The following COG6 variants were observed in gnomAD, a reference collection of about 807,000 sequenced individuals.
COG6 encodes component of oligomeric golgi complex 6, also known as conserved oligomeric Golgi complex subunit 6.
A neutral mutation model predicts 88.8 loss-of-function variants in COG6; 74 were observed. The ratio of observed to expected loss-of-function variants is 0.83; its 90% CI spans 0.69 to 1.01. COG6 has a LOEUF of 1.01. Ranked by LOEUF, COG6 falls within the 50% of genes least tolerant of loss-of-function variation. COG6 has a pLI of 0.00. For missense variants in COG6, 800 were observed against 797.9 expected (o/e 1.00, Z -0.03); for synonymous variants, 286 against 278.7 (o/e 1.03, Z -0.26).
At chr13:39,655,982 A>T (rs866579767) in intron 1 of COG6, 103 bp downstream of exon 1, 155 of 1,426,864 alleles carry the variant, frequency 1.1e-4, no homozygotes, top group Middle Eastern at 4.6e-4. Flanking sequence ...TCGTCCCGGC[A>T]GCAGAGGGAC....
chr13:39,785,422 C>T (rs1024288570), intron 18 of COG6: 1 of 152,118 alleles, frequency 6.6e-6, no homozygotes, highest in African/African-American at 2.4e-5. Flanking sequence ...TTTTTCTAGC[C>T]AGTCAAATTT....
intron 18 of COG6, among the ~76,000 whole-genome samples, chr13:39,729,189 G>A (rs1879302441): frequency 6.6e-6 from 1 of 152,188 alleles, no homozygotes; most frequent in Admixed American, 6.5e-5. Flanking sequence ...CCGGGCCAGG[G>A]ACCCTGGTCT....
At chr13:39,692,667 C>A (rs891323364) in intron 11 of COG6, among the ~76,000 whole-genome samples, 1 of 152,058 alleles carries the variant, frequency 6.6e-6, no homozygotes, top group African/African-American at 2.4e-5. Context: ...CGCTTTTGCT[C>A]TAGCTTTCTC....
At chr13:39,722,083 G>A (rs917240613) in intron 15 of COG6, among the ~76,000 whole-genome samples, 53 of 151,840 alleles carry the variant, frequency 3.5e-4, no homozygotes, top group Middle Eastern at 3.4e-3. Flanking sequence ...TTTATCTCAC[G>A]GATCTGCCAT....
At chr13:39,668,802 A>G (rs1278439335) in intron 4 of COG6, among the ~76,000 whole-genome samples, 1 of 151,706 alleles carries the variant, frequency 6.6e-6, no homozygotes. Flanking sequence ...AAAAAAAAAA[A>G]GAAAAGAAAA....
intron 10 of COG6, 151 bp downstream of exon 10, chr13:39,687,950 C>A: frequency 1.5e-6 from 1 of 684,438 alleles, no homozygotes; most frequent in South Asian, 1.6e-5. Flanking sequence ...CTAGATTCTC[C>A]CTCATTCTGC....
chr13:39,767,251 G>A (rs1881192491), intron 18 of COG6, among the ~76,000 whole-genome samples: 1 of 152,320 alleles, frequency 6.6e-6, no homozygotes, highest in South Asian at 2.1e-4. Flanking sequence ...ACATTTTAAT[G>A]TGTGAGGGTT....
At chr13:39,711,874 T>G (rs1008885306) in intron 13 of COG6, among the ~76,000 whole-genome samples, 2 of 152,206 alleles carry the variant, frequency 1.3e-5, no homozygotes, top group Non-Finnish European at 2.9e-5. Flanking sequence ...TTGTTTTTGT[T>G]TTTGAGATTG....
chr13:39,775,261 G>T (rs1019624583), intron 18 of COG6, among the ~76,000 whole-genome samples: 2 of 127,686 alleles, frequency 1.6e-5, no homozygotes, highest in Non-Finnish European at 3.4e-5. Flanking sequence ...GGCTAATGAT[G>T]TTGTGACTCA....
chr13:39,710,048 C>G (rs1420046289), intron 13 of COG6, among the ~76,000 whole-genome samples: 1 of 152,042 alleles, frequency 6.6e-6, no homozygotes, highest in Non-Finnish European at 1.5e-5. Flanking sequence ...AATAAAAAAG[C>G]TTTCTGAGGC....
intron 1 of COG6, chr13:39,656,716 T>C (rs1874533192): frequency 2.6e-6 from 1 of 387,742 alleles, no homozygotes; most frequent in Non-Finnish European, 5.1e-6. Context: ...CATTGCAATG[T>C]AATGAATAAG....
chr13:39,692,068 G>A (rs1877008857), intron 11 of COG6, among the ~76,000 whole-genome samples: 1 of 151,946 alleles, frequency 6.6e-6, no homozygotes, highest in Non-Finnish European at 1.5e-5. Context: ...TCTTAGTAAA[G>A]TGAAACATCA....
chr13:39,780,145 C>T (rs1301522490), intron 18 of COG6, among the ~76,000 whole-genome samples: 2 of 152,112 alleles, frequency 1.3e-5, no homozygotes, highest in African/African-American at 2.4e-5. Context: ...GCATTGAGTT[C>T]GAACTAGAAA....
intron 13 of COG6, among the ~76,000 whole-genome samples, chr13:39,710,751 TC>T (rs1302779104): frequency 6.6e-6 from 1 of 152,112 alleles, no homozygotes; most frequent in African/African-American, 2.4e-5. Flanking sequence ...TAACTATTGT[TC>T]CTACTCCCTT....
chr13:39,760,678 G>A (rs896158429), intron 18 of COG6, among the ~76,000 whole-genome samples: 2 of 152,094 alleles, frequency 1.3e-5, no homozygotes, highest in African/African-American at 2.4e-5. Context: ...CTCTCTGCAA[G>A]TGGTAAATCA....
intron 18 of COG6, among the ~76,000 whole-genome samples, chr13:39,759,331 C>T (rs563791690): frequency 2.0e-5 from 3 of 152,058 alleles, no homozygotes; most frequent in Non-Finnish European, 4.4e-5. Context: ...CTTTTGAAAA[C>T]CAAAAATTGA....
intron 15 of COG6, among the ~76,000 whole-genome samples, chr13:39,720,092 C>G (rs895299856): frequency 6.6e-6 from 1 of 151,700 alleles, no homozygotes; most frequent in African/African-American, 2.4e-5. Context: ...ATACTTGATT[C>G]ATACCATAAT....
At chr13:39,708,450 T>C (rs1878059842) in intron 13 of COG6, among the ~76,000 whole-genome samples, 1 of 152,214 alleles carries the variant, frequency 6.6e-6, no homozygotes, top group Admixed American at 6.5e-5. Flanking sequence ...TTAAGAAATC[T>C]TTGGCTATCT....
chr13:39,750,081 A>G lies in COG6; in HGVS notation c.1827-865A>G, dbSNP rs374234175. Reference sequence around the variant, plus strand: ...ATTAACAGAAGTAGGAAACTACAAGAAAAGGAGGTGTGGAAGCAAAGCTTT... The same window carrying G: ...ATTAACAGAAGTAGGAAACTACAAGGAAAGGAGGTGTGGAAGCAAAGCTTT... On this transcript the variant is annotated intron_variant, in intron 18 of 18. Transcript: ENST00000455146. 8.8e-4 allele frequency among the ~76,000 whole-genome samples: 134 copies of G among 152,324 alleles called. 3 individuals are homozygous for G. The South Asian group carries it at 0.024, about 27-fold the overall frequency.
Sources: gnomAD v4.1 joint callset for allele counts (sites outside exome capture counted in the v4.1 genomes callset) on GRCh38, gnomAD v4.1.1 for gene constraint, MANE v1.5 for transcripts, NCBI Gene and HGNC (gene_info 2026-07-23, HGNC 2026-07-21) for gene names.